The following INVS variants were observed in gnomAD, a reference collection of about 807,000 sequenced individuals.
The protein encoded by INVS is inversin, also known as inversion of embryo turning homolog.
Under a neutral mutation model 108.8 loss-of-function variants are expected in INVS, and 86 were observed. That is an observed-to-expected ratio of 0.79 (90% CI 0.66 to 0.95). The LOEUF is 0.95. INVS is among the 40% of genes least tolerant of loss of function. The probability of loss-of-function intolerance (pLI) is 0.00; values close to 1 mark genes in which losing one functional copy is unlikely to be tolerated. For missense variants in INVS, 1,169 were observed against 1,297.4 expected (o/e 0.90, Z 1.52); for synonymous variants, 455 against 473.5 (o/e 0.96, Z 0.51).
At chr9:100,213,496 T>C (rs1488091459) in intron 3 of INVS, among the ~76,000 whole-genome samples, 1 of 152,092 alleles carries the variant, frequency 6.6e-6, no homozygotes, top group Non-Finnish European at 1.5e-5. Flanking sequence ...TGAGCCACCA[T>C]TCCTGGCCCT....
At chr9:100,256,346 TG>T (rs990085534) in intron 10 of INVS, among the ~76,000 whole-genome samples, 7 of 152,214 alleles carry the variant, frequency 4.6e-5, no homozygotes, top group African/African-American at 1.4e-4. Flanking sequence ...TCAGTTTTGT[TG>T]ATCTTTTAAA....
intron 10 of INVS, among the ~76,000 whole-genome samples, chr9:100,264,172 G>A (rs1277501942): frequency 6.6e-6 from 1 of 152,080 alleles, no homozygotes; most frequent in East Asian, 1.9e-4. Flanking sequence ...AAGAATACAA[G>A]CCATTTATTT....
chr9:100,179,016 G>A (rs548680447), intron 3 of INVS, among the ~76,000 whole-genome samples: 5 of 152,264 alleles, frequency 3.3e-5, no homozygotes, highest in African/African-American at 9.6e-5. Flanking sequence ...TTTCAACACA[G>A]AATTTCATAT....
intron 3 of INVS, among the ~76,000 whole-genome samples, chr9:100,159,024 A>C (rs931474124): frequency 2.6e-5 from 4 of 152,162 alleles, no homozygotes; most frequent in Non-Finnish European, 4.4e-5. Context: ...TGAGGTCCTT[A>C]TTAGAAGCAG....
intron 3 of INVS, among the ~76,000 whole-genome samples, chr9:100,167,605 T>G (rs1348833623): frequency 6.6e-6 from 1 of 152,206 alleles, no homozygotes; most frequent in African/African-American, 2.4e-5. Context: ...ATGTCTTTTC[T>G]TAGCACTTAA....
At chr9:100,259,855 A>G (rs1300677357) in intron 10 of INVS, among the ~76,000 whole-genome samples, 4 of 150,094 alleles carry the variant, frequency 2.7e-5, no homozygotes, top group African/African-American at 7.4e-5. Context: ...TGACCCTATT[A>G]CATGATTTTC....
chr9:100,153,195 G>T (rs1052648633), intron 3 of INVS, among the ~76,000 whole-genome samples: 1 of 150,138 alleles, frequency 6.7e-6, no homozygotes, highest in Non-Finnish European at 1.5e-5. Context: ...ATAGGAAAAA[G>T]ACTAATAAAT....
chr9:100,126,658 C>A, intron 3 of INVS, 109 bp downstream of exon 3: 1 of 1,038,556 alleles, frequency 9.6e-7, no homozygotes, highest in Non-Finnish European at 1.5e-6. Flanking sequence ...ATGCATGACT[C>A]ATAGGTTTTA....
chr9:100,103,130 G>A (rs1303747688), intron 1 of INVS, among the ~76,000 whole-genome samples: 1 of 152,042 alleles, frequency 6.6e-6, no homozygotes, highest in Non-Finnish European at 1.5e-5. Context: ...TGGGATTACA[G>A]GCGTGAGCCA....
intron 10 of INVS, among the ~76,000 whole-genome samples, chr9:100,261,247 A>G (rs1832612899): frequency 6.6e-6 from 1 of 151,240 alleles, no homozygotes; most frequent in African/African-American, 2.4e-5. Flanking sequence ...CCATGTCTTT[A>G]TGATACTAGG....
At chr9:100,249,862 T>C (rs936235945) in intron 8 of INVS, among the ~76,000 whole-genome samples, 71 of 149,170 alleles carry the variant, frequency 4.8e-4, no homozygotes, top group African/African-American at 1.7e-3. Flanking sequence ...CCCAGCACTT[T>C]GGGAGGCCGT....
At chr9:100,224,610 T>C (rs117760690) in intron 3 of INVS, among the ~76,000 whole-genome samples, 4,525 of 152,162 alleles carry the variant, frequency 0.03, 99 homozygotes, top group Non-Finnish European at 0.046. Flanking sequence ...CCCTTGTAAC[T>C]AAGCTTCTTT....
intron 3 of INVS, among the ~76,000 whole-genome samples, chr9:100,223,616 G>T (rs1831216911): frequency 2.0e-5 from 3 of 152,190 alleles, no homozygotes; most frequent in South Asian, 2.1e-4. Context: ...ATATGTAATT[G>T]CAAACTGAGA....
chr9:100,150,823 G>T (rs1348671441), intron 3 of INVS, among the ~76,000 whole-genome samples: 1 of 152,096 alleles, frequency 6.6e-6, no homozygotes, highest in Non-Finnish European at 1.5e-5. Context: ...AGGTCTCTTT[G>T]TACCTCCTTT....
At chr9:100,122,786 A>G (rs1023928377) in intron 2 of INVS, among the ~76,000 whole-genome samples, 15 of 151,658 alleles carry the variant, frequency 9.9e-5, no homozygotes, top group East Asian at 3.9e-4. Context: ...GGGTTTCACC[A>G]TGTTAGCCAG....
intron 3 of INVS, among the ~76,000 whole-genome samples, chr9:100,142,075 G>A (rs145674170): frequency 2.0e-4 from 31 of 152,280 alleles, no homozygotes; most frequent in Non-Finnish European, 3.2e-4. Context: ...CGTAAGCGTC[G>A]CCTAGAGCAA....
intron 3 of INVS, among the ~76,000 whole-genome samples, chr9:100,204,516 T>C (rs1830621524): frequency 6.6e-6 from 1 of 152,172 alleles, no homozygotes; most frequent in African/African-American, 2.4e-5. Context: ...AAAAAACAGT[T>C]CAAGTATGTG....
chr9:100,165,276 TTTA>T (rs1829325871), intron 3 of INVS, among the ~76,000 whole-genome samples: 1 of 152,100 alleles, frequency 6.6e-6, no homozygotes, highest in African/African-American at 2.4e-5. Flanking sequence ...GGCAAACTGT[TTTA>T]TTATTATGGT....
At chr9:100,187,236 A>C (rs1438446320) in intron 3 of INVS, among the ~76,000 whole-genome samples, 1 of 152,098 alleles carries the variant, frequency 6.6e-6, no homozygotes, top group African/African-American at 2.4e-5. Context: ...TACCAGTACC[A>C]TGTTGTTTTA....
Sources: allele counts gnomAD v4.1 joint callset (sites outside exome capture counted in the v4.1 genomes callset), GRCh38; gene constraint gnomAD v4.1.1; transcripts MANE v1.5; gene names NCBI Gene and HGNC (gene_info 2026-07-23, HGNC 2026-07-21).